The following HRH4 variants were observed in gnomAD, a reference collection of about 807,000 sequenced individuals.
HRH4 encodes histamine receptor H4, also known as histamine H4 receptor.
In HRH4, 12 loss-of-function variants were observed where a neutral mutation model predicts 10.4. The observed-to-expected ratio is 1.15, with a 90% confidence interval of 0.74 to 1.87. The LOEUF (loss-of-function observed/expected upper bound fraction) is 1.87. Ranked by LOEUF, HRH4 falls within the 40% of genes most tolerant of loss-of-function variation. The probability of loss-of-function intolerance (pLI) is 0.00; values close to 1 mark genes in which losing one functional copy is unlikely to be tolerated. For missense variants in HRH4, 415 were observed against 453.3 expected, an observed-to-expected ratio of 0.92 and a Z score of 0.77; for synonymous variants, 154 against 166.6, an observed-to-expected ratio of 0.92 and a Z score of 0.58.
chr18:24,461,252 T>TATGTTTAGG (rs1909629862), intron 1 of HRH4, among the ~76,000 whole-genome samples: 2 of 152,158 alleles, frequency 1.3e-5, no homozygotes, highest in Non-Finnish European at 2.9e-5. Context: ...TTATAAGTAT[T>TATGTTTAGG]CCTCTTTAAG....
In HRH4 at chr18:24,468,880, C is replaced by G. The variant is rs760258503; in HGVS notation, c.286C>G (p.Leu96Val). ...TGTATTTTGGCTCACTACTGACTAT[C>G]TGTTATGTACAGCATCTGTATATAA... ...ICVFWLTTDY[L>V]LCTASVYNIV... The change falls in exon 2 of 3, where the codon CTG (leucine) becomes GTG (valine). Residue 96 changes from leucine to valine, a missense_variant. Leu to Val is a conservative substitution (Grantham distance 32). Transcript: ENST00000256906. The G allele has an allele frequency of 6.2e-7, 1 of 1,613,376 alleles. No individual in the cohort carries two copies. Among genetic ancestry groups the G allele is most frequent in the South Asian group, 1.1e-5 (1 of 91,044 alleles).
intron 2 of HRH4, among the ~76,000 whole-genome samples, chr18:24,475,709 T>C (rs1910115849): frequency 6.6e-6 from 1 of 152,112 alleles, no homozygotes; most frequent in African/African-American, 2.4e-5. Flanking sequence ...CTGCAGCAGG[T>C]TTAAAAATCC....
At chr18:24,461,900 A>T (rs1006532420) in intron 1 of HRH4, among the ~76,000 whole-genome samples, 2 of 152,006 alleles carry the variant, frequency 1.3e-5, no homozygotes, top group African/African-American at 4.8e-5. Flanking sequence ...TCTATAGAAG[A>T]TTAGGTTAGT....
At chr18:24,473,236 T>C (rs1057191831) in intron 2 of HRH4, among the ~76,000 whole-genome samples, 1 of 152,130 alleles carries the variant, frequency 6.6e-6, no homozygotes, top group African/African-American at 2.4e-5. Context: ...AGAAAGAAAC[T>C]TGACAGTAAA....
At chr18:24,469,054 C>T (rs1909863116) in intron 2 of HRH4, 103 bp downstream of exon 2, 18 of 842,992 alleles carry the variant, frequency 2.1e-5, no homozygotes, top group Non-Finnish European at 2.9e-5. Context: ...ATTTAATCGA[C>T]AGGCCTTAGA....
intron 1 of HRH4, among the ~76,000 whole-genome samples, chr18:24,461,256 C>T (rs967833616): frequency 3.3e-5 from 5 of 152,042 alleles, no homozygotes; most frequent in Non-Finnish European, 5.9e-5. Context: ...AAGTATTCCT[C>T]TTTAAGTAAA....
chr18:24,468,863 G>A lies in HRH4; in HGVS notation c.269G>A (p.Trp90Ter), dbSNP rs771792972. 6.2e-7 allele frequency: 1 copy of A among 1,613,874 alleles called. No homozygotes were observed. Among genetic ancestry groups the A allele is most frequent in the East Asian group, 2.2e-5 (1 of 44,866 alleles). ...TTTGGAAAGGAAATCTGTGTATTTT[G>A]GCTCACTACTGACTATCTGTTATGT... Reference protein sequence around the residue: ...WDFGKEICVFWLTTDYLLCTA... With the variant: ...WDFGKEICVF Residue 90 changes from tryptophan (W) to a stop codon, truncating the protein, a stop_gained, in exon 2 of 3, where the codon TGG becomes TAG. Coordinates refer to ENST00000256906, the MANE Select transcript of HRH4 (RefSeq NM_021624.4). LOFTEE classifies it high-confidence loss of function.
intron 1 of HRH4, 126 bp from the exon 2 acceptor site, chr18:24,468,662 C>T: frequency 9.8e-6 from 9 of 917,018 alleles, no homozygotes; most frequent in Non-Finnish European, 1.3e-5. Context: ...CCGTGAATTT[C>T]TAAATTAGAG....
At chr18:24,469,766 CTTTTG>C (rs1429379125) in intron 2 of HRH4, among the ~76,000 whole-genome samples, 1 of 152,070 alleles carries the variant, frequency 6.6e-6, no homozygotes, top group Non-Finnish European at 1.5e-5. Context: ...TTCTTTCCAA[CTTTTG>C]TTTTGGCCTC....
chr18:24,474,352 G>GA lies in HRH4; in HGVS notation c.358-2385dup, dbSNP rs199745577. 1.9e-3 allele frequency among the ~76,000 whole-genome samples: 279 copies of GA among 145,632 alleles called. 2 individuals carry two copies. In the East Asian group the frequency reaches 0.023, roughly 12 times the overall value. On this transcript the variant is annotated intron_variant, in intron 2 of 2. Coordinates refer to ENST00000256906, the MANE Select transcript of HRH4 (RefSeq NM_021624.4). ...TCAAAAAGACCAGCAATTTGAGAGA[G>GA]AAAAAAAAAACAACCAAGTGCACCT...
intron 2 of HRH4, among the ~76,000 whole-genome samples, chr18:24,472,503 CA>C (rs1485696063): frequency 4.6e-5 from 7 of 152,158 alleles, no homozygotes; most frequent in Non-Finnish European, 8.8e-5. Flanking sequence ...TGGATGCTGG[CA>C]GGGGTGCTCA....
chr18:24,470,881 T>C (rs1909923213), intron 2 of HRH4, among the ~76,000 whole-genome samples: 1 of 148,772 alleles, frequency 6.7e-6, no homozygotes, highest in African/African-American at 2.5e-5. Flanking sequence ...AAAGTCAGGT[T>C]GTTGTCATAC....
intron 1 of HRH4, among the ~76,000 whole-genome samples, chr18:24,461,313 A>G (rs993260152): frequency 6.6e-6 from 1 of 152,138 alleles, no homozygotes; most frequent in Non-Finnish European, 1.5e-5. Flanking sequence ...GAAATTATGT[A>G]TATGCTAGTA....
At position 24,468,823 on chromosome 18, in the gene HRH4, C is replaced by A. The variant is rs1054769052; in HGVS notation, c.229C>A (p.Leu77Met). Reference protein sequence around the residue: ...ISIPLYIPHTLFEWDFGKEIC... With the variant: ...ISIPLYIPHTMFEWDFGKEIC... ...CATTCCTTTGTACATCCCTCACACGCTGTTCGAATGGGATTTTGGAAAGGA... is the reference window on the plus strand; with the variant it reads ...CATTCCTTTGTACATCCCTCACACGATGTTCGAATGGGATTTTGGAAAGGA... Residue 77 changes from leucine (L) to methionine (M), a missense_variant, in exon 2 of 3, where the codon CTG (leucine) becomes ATG (methionine). By Grantham distance (15) the Leu-to-Met change is conservative. Transcript: ENST00000256906. The A allele has an allele frequency of 6.2e-7, 1 of 1,614,060 alleles. No individual in the cohort carries two copies. The highest frequency in any genetic ancestry group is 1.3e-5 in the African/African-American group (1 of 75,048).
In HRH4 at chr18:24,476,563, A is replaced by G. The variant is rs557173836; in HGVS notation, c.358-184A>G. On this transcript the variant is annotated intron_variant, in intron 2 of 2. Transcript: ENST00000256906. ...GTCTTCTCCCCTGAAAACCATTAAG[A>G]AAGTCTGCCTCTTGGTCCAGGCTTC... Among the ~76,000 whole-genome samples, 22 of 152,324 alleles carry G rather than the reference A, an allele frequency of 1.4e-4. 1 individual carries two copies. In the South Asian group the frequency reaches 4.3e-3, roughly 30 times the overall value.
chr18:24,469,907 C>G (rs1463839610), intron 2 of HRH4, among the ~76,000 whole-genome samples: 1 of 152,116 alleles, frequency 6.6e-6, no homozygotes, highest in Non-Finnish European at 1.5e-5. Flanking sequence ...GATCCTCTCC[C>G]TCCTCCCACC....
At chr18:24,473,510 C>T (rs1187591295) in intron 2 of HRH4, among the ~76,000 whole-genome samples, 5 of 152,186 alleles carry the variant, frequency 3.3e-5, no homozygotes, top group South Asian at 2.1e-4. Flanking sequence ...CTTGTAGATG[C>T]GTCCCTCCAG....
At chr18:24,462,617 G>A (rs369474282) in intron 1 of HRH4, among the ~76,000 whole-genome samples, 1 of 152,326 alleles carries the variant, frequency 6.6e-6, no homozygotes, top group East Asian at 1.9e-4. Flanking sequence ...GAAACAGGAA[G>A]TATTTGGGCA....
At chr18:24,473,760 A>G (rs762499179) in intron 2 of HRH4, among the ~76,000 whole-genome samples, 1 of 152,212 alleles carries the variant, frequency 6.6e-6, no homozygotes, top group Non-Finnish European at 1.5e-5. Context: ...GGCACTTAGA[A>G]TGGTCCTGAA....
Sources: gnomAD v4.1 joint callset for allele counts (sites outside exome capture counted in the v4.1 genomes callset) on GRCh38, gnomAD v4.1.1 for gene constraint, MANE v1.5 for transcripts, NCBI Gene and HGNC (gene_info 2026-07-23, HGNC 2026-07-21) for gene names.